CAPZB: variants seen among roughly 807,000 people sequenced by gnomAD.
The protein encoded by CAPZB is capping actin protein of muscle Z-line subunit beta, also known as F-actin-capping protein subunit beta.
CAPZB carries 2 observed loss-of-function variants against 38.1 expected under a neutral mutation model. The ratio of observed to expected loss-of-function variants is 0.05; its 90% CI spans 0.02 to 0.17. The LOEUF (loss-of-function observed/expected upper bound fraction) is 0.17, where lower values mean the gene tolerates loss of function less well. Among genes scored for constraint, CAPZB ranks in the 10% least tolerant of loss-of-function variants. The pLI, the probability that CAPZB is intolerant of heterozygous loss-of-function variation, is 1.00. For missense variants in CAPZB, 161 were observed against 334.2 expected (o/e 0.48, Z 4.04); for synonymous variants, 107 against 127.4 (o/e 0.84, Z 1.08).
rs56742397 is a variant in CAPZB at position 19,384,918 on chromosome 1, C to CTGTA, written c.215+583_215+586dup. Among the ~76,000 whole-genome samples, 1,505 of 152,304 alleles carry CTGTA rather than the reference C, an allele frequency of 9.9e-3. 68 individuals are homozygous for CTGTA. The East Asian group carries it at 0.14, about 14-fold the overall frequency. On this transcript the variant is annotated intron_variant, in intron 3 of 8. Transcript: ENST00000264202. ...CCACCCTGAACAGACTTTGCACTGG[C>CTGTA]TGTATGAATCACATCATACAGTTAC...
intron 4 of CAPZB, among the ~76,000 whole-genome samples, chr1:19,371,255 G>A (rs2094118016): frequency 6.6e-6 from 1 of 152,152 alleles, no homozygotes. Context: ...CACGAAGCCT[G>A]CTACCCCATC....
chr1:19,348,214 C>G (rs1043269935), intron 6 of CAPZB, among the ~76,000 whole-genome samples: 1 of 151,966 alleles, frequency 6.6e-6, no homozygotes, highest in African/African-American at 2.4e-5. Flanking sequence ...ACCCTCTGTT[C>G]TGTCCTGGCC....
intron 1 of CAPZB, among the ~76,000 whole-genome samples, chr1:19,445,780 T>C (rs1266136019): frequency 1.3e-5 from 2 of 152,208 alleles, no homozygotes; most frequent in African/African-American, 4.8e-5. Flanking sequence ...ATTGTGGTTA[T>C]GGATGCACAA....
chr1:19,414,424 A>C (rs2094370583), intron 2 of CAPZB, among the ~76,000 whole-genome samples: 1 of 152,108 alleles, frequency 6.6e-6, no homozygotes, highest in South Asian at 2.1e-4. Context: ...CCTTTACCTC[A>C]CTGGCCTGGA....
chr1:19,361,654 A>T (rs922277144), intron 4 of CAPZB, among the ~76,000 whole-genome samples: 2 of 152,242 alleles, frequency 1.3e-5, no homozygotes, highest in Non-Finnish European at 2.9e-5. Flanking sequence ...TACCTACTGT[A>T]CTTTGATCAT....
intron 4 of CAPZB, among the ~76,000 whole-genome samples, chr1:19,372,144 G>A (rs2094122649): frequency 6.6e-6 from 1 of 152,218 alleles, no homozygotes; most frequent in Non-Finnish European, 1.5e-5. Context: ...TCTCAGAACT[G>A]AAGCAAGGAA....
chr1:19,343,352 G>A (rs1021449345), intron 8 of CAPZB, among the ~76,000 whole-genome samples: 5 of 152,232 alleles, frequency 3.3e-5, no homozygotes, highest in African/African-American at 7.2e-5. Context: ...CCCAGTCCAC[G>A]AGCTGGGGCA....
intron 6 of CAPZB, among the ~76,000 whole-genome samples, chr1:19,350,611 A>AAACGTT (rs11283310): frequency 1.3e-5 from 2 of 151,516 alleles, no homozygotes; most frequent in Non-Finnish European, 2.9e-5. Context: ...TAGTAGCAGT[A>AAACGTT]ATTGTTTTTA....
intron 1 of CAPZB, chr1:19,484,220 TC>T: frequency 6.2e-7 from 1 of 1,612,650 alleles, no homozygotes; most frequent in Non-Finnish European, 8.5e-7. Context: ...AATCAGCAGT[TC>T]CAACCCTTGC....
chr1:19,358,569 T>C (rs1456636697), intron 4 of CAPZB, among the ~76,000 whole-genome samples: 2 of 152,228 alleles, frequency 1.3e-5, no homozygotes, highest in Non-Finnish European at 2.9e-5. Flanking sequence ...CCAGGTCAAC[T>C]ACTGTGGCTC....
chr1:19,413,278 A>G (rs191926491), intron 2 of CAPZB, among the ~76,000 whole-genome samples: 20 of 152,240 alleles, frequency 1.3e-4, no homozygotes, highest in Non-Finnish European at 2.8e-4. Flanking sequence ...GGTGCTCAAT[A>G]AATGTCGACT....
chr1:19,366,789 C>T (rs574074005), intron 4 of CAPZB, among the ~76,000 whole-genome samples: 1 of 152,176 alleles, frequency 6.6e-6, no homozygotes, highest in African/African-American at 2.4e-5. Context: ...AGCCATTCCC[C>T]GGCAGCTGAG....
Position 19,342,977 on chromosome 1 carries a change from G to A in CAPZB, c.731+1381C>T, listed in dbSNP as rs184373507. 100 of 723,962 alleles carry A rather than the reference G, an allele frequency of 1.4e-4. No individual in the cohort carries two copies. The South Asian group carries it at 1.4e-3, about 10-fold the overall frequency. The allele number at this position is 723,962 out of a possible 1,614,324, so 44.8% of individuals were successfully genotyped here. A position where few individuals can be genotyped will look rare whatever the true frequency, so the allele number is the denominator to read the frequency against. On this transcript the variant is annotated intron_variant, in intron 8 of 8. Transcript: ENST00000264202. Reference sequence around the variant, plus strand: ...TTCAGGGAGACCCACGAGGCGGAAGGGGGGATGCCGTGGCGGCTCTGGGGT... The same window carrying A: ...TTCAGGGAGACCCACGAGGCGGAAGAGGGGATGCCGTGGCGGCTCTGGGGT...
chr1:19,340,418 G>A (rs1460583051), intron 8 of CAPZB, among the ~76,000 whole-genome samples: 1 of 152,248 alleles, frequency 6.6e-6, no homozygotes, highest in Non-Finnish European at 1.5e-5. Flanking sequence ...TCACGTATGT[G>A]TGGGGACGCT....
intron 1 of CAPZB, among the ~76,000 whole-genome samples, chr1:19,474,520 C>A (rs2094600242): frequency 6.6e-6 from 1 of 152,142 alleles, no homozygotes; most frequent in African/African-American, 2.4e-5. Context: ...ATTCCTTTAT[C>A]TTGCCCCCTT....
At chr1:19,352,879 G>A (rs1255497021) in intron 6 of CAPZB, among the ~76,000 whole-genome samples, 1 of 152,244 alleles carries the variant, frequency 6.6e-6, no homozygotes, top group Admixed American at 6.5e-5. Flanking sequence ...TGGCTGGCTG[G>A]CAGGCCACGT....
intron 1 of CAPZB, among the ~76,000 whole-genome samples, chr1:19,431,456 T>C (rs937206468): frequency 2.6e-5 from 4 of 152,132 alleles, no homozygotes; most frequent in East Asian, 1.9e-4. Flanking sequence ...TCCCAGCACT[T>C]TGGGAGGCCA....
At chr1:19,379,098 TTC>T (rs1405239085) in intron 3 of CAPZB, among the ~76,000 whole-genome samples, 8 of 112,316 alleles carry the variant, frequency 7.1e-5, no homozygotes, top group Non-Finnish European at 1.6e-4. Flanking sequence ...TTTTTTTTCT[TTC>T]TTTTTTTTTT....
chr1:19,452,842 C>T (rs868003451), intron 1 of CAPZB, among the ~76,000 whole-genome samples: 20 of 142,228 alleles, frequency 1.4e-4, no homozygotes, highest in South Asian at 2.2e-4. Context: ...CTCACTCTGT[C>T]GCCCAGGCTA....
Sources: allele counts gnomAD v4.1 joint callset (sites outside exome capture counted in the v4.1 genomes callset), GRCh38; gene constraint gnomAD v4.1.1; transcripts MANE v1.5; gene names NCBI Gene and HGNC (gene_info 2026-07-23, HGNC 2026-07-21).